OXCT1: variants seen among roughly 807,000 people sequenced by gnomAD.
OXCT1 encodes 3-oxoacid CoA-transferase 1.
Under a neutral mutation model 69.6 loss-of-function variants are expected in OXCT1, and 27 were observed. The ratio of observed to expected loss-of-function variants is 0.39; its 90% confidence interval spans 0.29 to 0.54. OXCT1 has a LOEUF of 0.54. OXCT1 is among the 20% of genes least tolerant of loss of function. OXCT1 has a pLI of 0.72. For missense variants in OXCT1, 437 were observed against 650.2 expected, an observed-to-expected ratio of 0.67 and a Z score of 3.57; for synonymous variants, 202 against 217.8, an observed-to-expected ratio of 0.93 and a Z score of 0.64.
chr5:41,800,345 C>T (rs1334221045), intron 11 of OXCT1, among the ~76,000 whole-genome samples: 1 of 151,908 alleles, frequency 6.6e-6, no homozygotes, highest in Non-Finnish European at 1.5e-5. Context: ...AAATAGGAAG[C>T]ATCACCACCA....
At chr5:41,811,861 C>T (rs1367780035) in intron 7 of OXCT1, among the ~76,000 whole-genome samples, 1 of 152,000 alleles carries the variant, frequency 6.6e-6, no homozygotes, top group Non-Finnish European at 1.5e-5. Context: ...TGCATAACAC[C>T]TGGGATGCCA....
At chr5:41,837,236 G>A (rs530433512) in intron 7 of OXCT1, among the ~76,000 whole-genome samples, 54 of 151,594 alleles carry the variant, frequency 3.6e-4, no homozygotes, top group African/African-American at 1.2e-3. Context: ...AGAGCTTTAG[G>A]AGACAAGCTC....
intron 13 of OXCT1, among the ~76,000 whole-genome samples, chr5:41,774,672 G>A (rs754422766): frequency 6.6e-6 from 1 of 152,150 alleles, no homozygotes; most frequent in Non-Finnish European, 1.5e-5. Flanking sequence ...GAGGCAGGTG[G>A]ATCACGAGGT....
chr5:41,746,983 T>G (rs1743524417), intron 15 of OXCT1, among the ~76,000 whole-genome samples: 1 of 152,134 alleles, frequency 6.6e-6, no homozygotes, highest in African/African-American at 2.4e-5. Flanking sequence ...TTTGAGATTT[T>G]TTGCCTAGGT....
rs1220284421 is a variant in OXCT1, at chr5:41,731,565, A to G, written c.*164T>C. On this transcript the variant is annotated 3_prime_UTR_variant, in exon 17 of 17. Transcript: ENST00000196371. ...CTTTTGCTTTTTATTAAAATGTCAC[A>G]GCATGCCTAGAGAACAGTTTATATG... is the stretch of plus-strand genomic sequence containing the variant. 1.1e-5 allele frequency: 12 copies of G among 1,058,642 alleles called. No individual in the cohort carries two copies. In the East Asian group the frequency reaches 2.9e-4, roughly 26 times the overall value. 65.6% of individuals were successfully genotyped at this position (1,058,642 alleles called of 1,614,324 possible).
At chr5:41,779,892 C>T (rs1421797279) in intron 13 of OXCT1, among the ~76,000 whole-genome samples, 2 of 151,980 alleles carry the variant, frequency 1.3e-5, no homozygotes, top group African/African-American at 4.8e-5. Context: ...AAAATAAGAA[C>T]TTTCTCAAAG....
intron 13 of OXCT1, among the ~76,000 whole-genome samples, chr5:41,783,840 GTTGTTCAAAATA>G (rs1271992729): frequency 6.6e-6 from 1 of 152,188 alleles, no homozygotes; most frequent in Non-Finnish European, 1.5e-5. Context: ...GAGGTAAGCA[GTTGTTCAAAATA>G]TATCATATGA....
At chr5:41,833,794 T>TCATGCCTG (rs1748215020) in intron 7 of OXCT1, among the ~76,000 whole-genome samples, 1 of 152,174 alleles carries the variant, frequency 6.6e-6, no homozygotes, top group African/African-American at 2.4e-5. Context: ...ATGCAGTGGC[T>TCATGCCTG]CATGCCTGTA....
At chr5:41,742,383 A>G (rs2112011787) in intron 15 of OXCT1, among the ~76,000 whole-genome samples, 1 of 152,372 alleles carries the variant, frequency 6.6e-6, no homozygotes, top group African/African-American at 2.4e-5. Flanking sequence ...TCTAAGAGAT[A>G]AATGTTAATT....
chr5:41,869,060 A>G (rs1750147358), intron 1 of OXCT1, among the ~76,000 whole-genome samples: 1 of 152,224 alleles, frequency 6.6e-6, no homozygotes, highest in South Asian at 2.1e-4. Flanking sequence ...GCACCGCTGC[A>G]ATCTCACTGA....
At chr5:41,830,678 A>G (rs186647984) in intron 7 of OXCT1, among the ~76,000 whole-genome samples, 1 of 152,310 alleles carries the variant, frequency 6.6e-6, no homozygotes, top group African/African-American at 2.4e-5. Context: ...GTTTTTCAAC[A>G]TGGTGAGAAG....
At chr5:41,860,414 T>A (rs1749678695) in intron 3 of OXCT1, among the ~76,000 whole-genome samples, 1 of 152,090 alleles carries the variant, frequency 6.6e-6, no homozygotes, top group Admixed American at 6.5e-5. Context: ...CTAGAAAAGT[T>A]TCTATAATTG....
At chr5:41,863,390 G>A (rs545430801) in intron 1 of OXCT1, among the ~76,000 whole-genome samples, 3 of 152,006 alleles carry the variant, frequency 2.0e-5, no homozygotes, top group African/African-American at 4.8e-5. Context: ...ATGGTGTTCC[G>A]CAGATCTCTT....
intron 13 of OXCT1, among the ~76,000 whole-genome samples, chr5:41,790,402 G>A (rs757675342): frequency 2.0e-5 from 3 of 152,194 alleles, no homozygotes; most frequent in Non-Finnish European, 4.4e-5. Flanking sequence ...GAGCTTGAAG[G>A]AGCCAACTAC....
intron 14 of OXCT1, among the ~76,000 whole-genome samples, chr5:41,758,252 A>G (rs1209214632): frequency 6.6e-6 from 1 of 152,110 alleles, no homozygotes; most frequent in Non-Finnish European, 1.5e-5. Flanking sequence ...CCAAATAAGC[A>G]GAACATATTT....
intron 16 of OXCT1, among the ~76,000 whole-genome samples, chr5:41,735,109 T>A (rs536013986): frequency 5.9e-5 from 9 of 152,276 alleles, no homozygotes; most frequent in African/African-American, 2.2e-4. Context: ...ATCTAAAAAA[T>A]TTCAAAGCAG....
chr5:41,753,228 T>G lies in OXCT1; in HGVS notation c.1339-3621A>C, dbSNP rs147029370. Among the ~76,000 whole-genome samples, 46 of 152,096 alleles carry G rather than the reference T, an allele frequency of 3.0e-4. No individual in the cohort carries two copies. In the East Asian group the frequency reaches 8.9e-3, roughly 29 times the overall value. ...GTGCTTTATACAAAACCTCATTTCA[T>G]GCTCATCTTTTCTGTTAAGTGCTTG... is the stretch of plus-strand genomic sequence containing the variant. On this transcript the variant is annotated intron_variant, in intron 14 of 16. Coordinates refer to ENST00000196371, the MANE Select transcript of OXCT1 (RefSeq NM_000436.4).
chr5:41,818,806 C>T (rs1025547220), intron 7 of OXCT1, among the ~76,000 whole-genome samples: 1 of 151,830 alleles, frequency 6.6e-6, no homozygotes, highest in Non-Finnish European at 1.5e-5. Context: ...GTCAATGAAT[C>T]ATATTTATCA....
chr5:41,752,041 C>T (rs912208585), intron 14 of OXCT1, among the ~76,000 whole-genome samples: 1 of 152,132 alleles, frequency 6.6e-6, no homozygotes, highest in African/African-American at 2.4e-5. Flanking sequence ...GGGCTGAGCC[C>T]TACAGTATGC....
Sources: allele counts gnomAD v4.1 joint callset (sites outside exome capture counted in the v4.1 genomes callset), GRCh38; gene constraint gnomAD v4.1.1; transcripts MANE v1.5; gene names NCBI Gene and HGNC (gene_info 2026-07-23, HGNC 2026-07-21).